RABGAP1L: variants seen among roughly 807,000 people sequenced by gnomAD.
RABGAP1L encodes the protein rab GTPase-activating protein 1-like.
RABGAP1L carries 63 observed loss-of-function variants against 137.7 expected under a neutral mutation model. The observed-to-expected ratio is 0.46, with a 90% CI of 0.37 to 0.56. The LOEUF is 0.56. Ranked by LOEUF, RABGAP1L falls within the 20% of genes least tolerant of loss-of-function variation. RABGAP1L has a pLI of 0.00. For synonymous variants in RABGAP1L, 431 were observed against 433.7 expected (o/e 0.99, Z 0.08); for missense variants, 1,095 against 1,244.0 (o/e 0.88, Z 1.80).
At chr1:174,646,251 A>G (rs543257251) in intron 14 of RABGAP1L, among the ~76,000 whole-genome samples, 52 of 152,148 alleles carry the variant, frequency 3.4e-4, no homozygotes, top group Non-Finnish European at 6.5e-4. Context: ...TTTTGTTGCT[A>G]TTGCTTTTGG....
intron 17 of RABGAP1L, among the ~76,000 whole-genome samples, chr1:174,714,512 T>C (rs1439497667): frequency 6.6e-6 from 1 of 152,236 alleles, no homozygotes; most frequent in East Asian, 1.9e-4. Flanking sequence ...GTAACGGACA[T>C]AATTATTTTT....
chr1:174,554,906 A>G (rs919594737), intron 13 of RABGAP1L, among the ~76,000 whole-genome samples: 1 of 152,160 alleles, frequency 6.6e-6, no homozygotes, highest in Non-Finnish European at 1.5e-5. Context: ...TAATTTCCTA[A>G]TCTTTTTTGC....
At chr1:174,901,663 C>T (rs1042908611) in intron 19 of RABGAP1L, among the ~76,000 whole-genome samples, 4 of 152,194 alleles carry the variant, frequency 2.6e-5, no homozygotes, top group Non-Finnish European at 5.9e-5. Context: ...CTTCTGAAGC[C>T]TACTTCTGTC....
chr1:174,647,932 TG>T (rs1675124382), intron 14 of RABGAP1L, among the ~76,000 whole-genome samples: 1 of 152,152 alleles, frequency 6.6e-6, no homozygotes, highest in Non-Finnish European at 1.5e-5. Context: ...GGTTTAGTCT[TG>T]GGAGGGTGTA....
intron 19 of RABGAP1L, among the ~76,000 whole-genome samples, chr1:174,874,064 T>C (rs1652657549): frequency 1.3e-5 from 2 of 152,144 alleles, no homozygotes; most frequent in South Asian, 4.1e-4. Context: ...TGGGACAAAA[T>C]TAGCTACTAG....
intron 1 of RABGAP1L, among the ~76,000 whole-genome samples, chr1:174,217,954 C>A (rs1669464068): frequency 6.6e-6 from 1 of 151,884 alleles, no homozygotes; most frequent in African/African-American, 2.4e-5. Context: ...GAAAAGGTAA[C>A]CTAATTAGAA....
At chr1:174,196,462 G>C (rs761477760) in intron 1 of RABGAP1L, among the ~76,000 whole-genome samples, 1 of 151,906 alleles carries the variant, frequency 6.6e-6, no homozygotes, top group Non-Finnish European at 1.5e-5. Context: ...CTGACCTTGT[G>C]ATCCACCCGC....
intron 13 of RABGAP1L, among the ~76,000 whole-genome samples, chr1:174,455,630 A>T (rs555387170): frequency 5.9e-5 from 9 of 152,122 alleles, no homozygotes; most frequent in Non-Finnish European, 1.3e-4. Context: ...TCTAAGTTTA[A>T]TATAATTATT....
At chr1:174,705,434 C>T (rs1207124504) in intron 17 of RABGAP1L, 1 of 152,146 alleles carries the variant, frequency 6.6e-6, no homozygotes, top group Non-Finnish European at 1.5e-5. Flanking sequence ...CTGTGACTTA[C>T]AATCAGTGTT....
intron 1 of RABGAP1L, among the ~76,000 whole-genome samples, chr1:174,164,490 T>C (rs1227195309): frequency 1.3e-5 from 2 of 152,202 alleles, no homozygotes; most frequent in African/African-American, 4.8e-5. Flanking sequence ...TGAAATAATA[T>C]TTATCTTTTC....
chr1:174,432,253 C>G (rs542765671), intron 13 of RABGAP1L, among the ~76,000 whole-genome samples: 1 of 152,216 alleles, frequency 6.6e-6, no homozygotes, highest in South Asian at 2.1e-4. Context: ...GGATAATAGC[C>G]TCTGGTCGCA....
At position 174,420,850 on chromosome 1, in the gene RABGAP1L, T is replaced by A. The variant is rs542208248; in HGVS notation, c.1710+26705T>A. Among the ~76,000 whole-genome samples the A allele has an allele frequency of 3.9e-5, 6 of 152,194 alleles. No individual in the cohort carries two copies. In the South Asian group the frequency reaches 1.2e-3, roughly 32 times the overall value. Reference sequence around the variant, plus strand: ...CCACCACGCCCGGCTAATTTTTTTGTATTTTTAGTAGAGATGGGGTTTCAC... The same window carrying A: ...CCACCACGCCCGGCTAATTTTTTTGAATTTTTAGTAGAGATGGGGTTTCAC... On this transcript the variant is annotated intron_variant, in intron 13 of 25. Coordinates refer to ENST00000681986, the MANE Select transcript of RABGAP1L (RefSeq NM_001366446.1).
chr1:174,226,181 GTGA>G lies in RABGAP1L; in HGVS notation c.332-4957_332-4955del, dbSNP rs552154665. On this transcript the variant is annotated intron_variant, in intron 3 of 25. Transcript: ENST00000681986. ...ACCACCCTTAGGTCAAAACTGGGAG[GTGA>G]TGATGAGAAAAATGGAAAACTCACC... 1.2e-3 allele frequency among the ~76,000 whole-genome samples: 178 copies of G among 152,290 alleles called. 1 individual carries two copies. Among genetic ancestry groups the G allele is most frequent in the African/African-American group, 4.2e-3 (174 of 41,556 alleles).
intron 14 of RABGAP1L, among the ~76,000 whole-genome samples, chr1:174,663,350 A>G (rs1676530676): frequency 6.6e-6 from 1 of 152,226 alleles, no homozygotes; most frequent in African/African-American, 2.4e-5. Flanking sequence ...GTAGCAGCCC[A>G]GTAAAGAATT....
At chr1:174,673,925 A>G (rs556105529) in intron 14 of RABGAP1L, among the ~76,000 whole-genome samples, 1 of 152,326 alleles carries the variant, frequency 6.6e-6, no homozygotes, top group Admixed American at 6.5e-5. Context: ...TAAAGAATGT[A>G]GAAGTATTTG....
At chr1:174,976,361 G>C (rs1415882247) in intron 22 of RABGAP1L, among the ~76,000 whole-genome samples, 179 bp downstream of exon 22, 1 of 150,840 alleles carries the variant, frequency 6.6e-6, no homozygotes, top group East Asian at 1.9e-4. Context: ...TTTTTTTTTT[G>C]AAGGGTGTTA....
intron 13 of RABGAP1L, among the ~76,000 whole-genome samples, chr1:174,625,876 A>G (rs1159236406): frequency 3.9e-5 from 6 of 152,204 alleles, no homozygotes; most frequent in Non-Finnish European, 1.5e-5. Flanking sequence ...CAGAGAAGTA[A>G]AGGAATATTA....
intron 11 of RABGAP1L, among the ~76,000 whole-genome samples, chr1:174,329,653 G>A (rs1281320988): frequency 6.6e-6 from 1 of 152,070 alleles, no homozygotes; most frequent in Non-Finnish European, 1.5e-5. Context: ...TTCAACCCAG[G>A]AATGTAAAGA....
chr1:174,775,333 G>A (rs1316965087), intron 18 of RABGAP1L, among the ~76,000 whole-genome samples: 2 of 144,298 alleles, frequency 1.4e-5, no homozygotes, highest in Admixed American at 7.0e-5. Flanking sequence ...TTTTTTTTGA[G>A]ACTGAGTTTC....
Sources: allele counts gnomAD v4.1 joint callset (sites outside exome capture counted in the v4.1 genomes callset), GRCh38; gene constraint gnomAD v4.1.1; transcripts MANE v1.5; gene names NCBI Gene and HGNC (gene_info 2026-07-23, HGNC 2026-07-21).